The following DNAH1 variants were observed in gnomAD, a reference collection of about 807,000 sequenced individuals.
The protein encoded by DNAH1 is axonemal beta dynein heavy chain 1.
DNAH1 carries 327 observed loss-of-function variants against 484.3 expected under a neutral mutation model. The observed-to-expected ratio is 0.68, with a 90% CI of 0.62 to 0.74. The LOEUF (loss-of-function observed/expected upper bound fraction) is 0.74. DNAH1 is among the 30% of genes least tolerant of loss of function. The probability of loss-of-function intolerance (pLI) is 0.00; values close to 1 mark genes in which losing one functional copy is unlikely to be tolerated. For missense variants in DNAH1, 5,052 were observed against 5,546.8 expected (o/e 0.91, Z 2.83); for synonymous variants, 2,192 against 2,191.9 (o/e 1.00, Z 0.00).
rs1245139746 is a variant in DNAH1, at chr3:52,392,205, C to T, written c.10053-259C>T. 2.6e-5 allele frequency among the ~76,000 whole-genome samples: 4 copies of T among 152,238 alleles called. No individual in the cohort carries two copies. The East Asian group carries it at 5.8e-4, about 22-fold the overall frequency. On this transcript the variant is annotated intron_variant, in intron 63 of 77. Transcript: ENST00000420323. ...GGAGGTATTGTCCAGAGACCCCAGC[C>T]GCTCACACATCCAACTGCTCAGCCC...
intron 49 of DNAH1, 76 bp from the exon 50 acceptor site, chr3:52,382,243 AG>A: frequency 6.2e-7 from 1 of 1,607,880 alleles, no homozygotes; most frequent in Non-Finnish European, 8.5e-7. Flanking sequence ...TGGTCAGGGT[AG>A]GGTGTGGTCA....
At chr3:52,370,270 T>C (rs1486766273) in intron 39 of DNAH1, 41 bp downstream of exon 39, 1 of 1,602,146 alleles carries the variant, frequency 6.2e-7, no homozygotes, top group Admixed American at 1.7e-5. Flanking sequence ...CTGGTCCCTC[T>C]CCCCACACTG....
At chr3:52,341,666 C>T (rs761100755) in intron 8 of DNAH1, among the ~76,000 whole-genome samples, 39 of 151,464 alleles carry the variant, frequency 2.6e-4, no homozygotes, top group Admixed American at 7.9e-4. Flanking sequence ...ATAACTGGGA[C>T]GTGTTCCCAC....
intron 8 of DNAH1, among the ~76,000 whole-genome samples, chr3:52,341,239 A>C (rs1432271427): frequency 6.6e-6 from 1 of 152,196 alleles, no homozygotes; most frequent in Non-Finnish European, 1.5e-5. Context: ...TGCTGGCTTC[A>C]TCTTCAGGCG....
intron 60 of DNAH1, among the ~76,000 whole-genome samples, chr3:52,390,249 G>T (rs2153225513): frequency 6.6e-6 from 1 of 152,322 alleles, no homozygotes; most frequent in Middle Eastern, 3.4e-3. Flanking sequence ...TGGATTGCTT[G>T]AGCCCAGAAG....
intron 36 of DNAH1, among the ~76,000 whole-genome samples, chr3:52,367,402 G>A (rs1257249873): frequency 6.6e-6 from 1 of 152,036 alleles, no homozygotes; most frequent in Non-Finnish European, 1.5e-5. Flanking sequence ...GTAGGGGATG[G>A]TCACTAGGGA....
In DNAH1 at chr3:52,322,457, C is replaced by G. The variant is rs1458899108; in HGVS notation, c.15C>G (p.Asn5Lys). Reference sequence around the variant, plus strand: ...TGAGAAGCAGCATGGAGCAGCCTAACAGTAAAGGCTATAGCCTGGGAAGGA... The same window carrying G: ...TGAGAAGCAGCATGGAGCAGCCTAAGAGTAAAGGCTATAGCCTGGGAAGGA... MEQP[N>K]SKGYSLGRTP... Residue 5 changes from asparagine to lysine, a missense_variant, in exon 2 of 78, where the codon AAC (asparagine) becomes AAG (lysine). Around this residue, in one of 4 missense-constraint regions of DNAH1, gnomAD observed 1,263 missense variants for 1,218.8 expected, o/e 1.04. Coordinates refer to ENST00000420323, the MANE Select transcript of DNAH1 (RefSeq NM_015512.5). 6.2e-7 allele frequency: 1 copy of G among 1,610,204 alleles called. No homozygotes were observed. The highest frequency in any genetic ancestry group is 1.1e-5 in the South Asian group (1 of 90,784).
chr3:52,336,396 A>G (rs1243450885), intron 8 of DNAH1, among the ~76,000 whole-genome samples: 1 of 152,116 alleles, frequency 6.6e-6, no homozygotes, highest in Non-Finnish European at 1.5e-5. Flanking sequence ...ACCAAAGAAC[A>G]TAAAAAAATT....
chr3:52,398,345 G>C (rs576697886), intron 75 of DNAH1, among the ~76,000 whole-genome samples, 183 bp downstream of exon 75: 31 of 152,178 alleles, frequency 2.0e-4, no homozygotes, highest in Non-Finnish European at 4.1e-4. Flanking sequence ...GCAGCGGTAT[G>C]ATCTCAGCTC....
chr3:52,353,136 C>T lies in DNAH1; in HGVS notation c.3061C>T (p.Gln1021Ter), dbSNP rs1420629116. Residue 1021 changes from glutamine to a stop codon, truncating the protein, a stop_gained, in exon 19 of 78, where the codon CAA becomes TAA. Coordinates refer to ENST00000420323, the MANE Select transcript of DNAH1 (RefSeq NM_015512.5). LOFTEE classifies it high-confidence loss of function. The surrounding 1 kb of genome is among the most constrained non-coding windows in gnomAD (Gnocchi z 5.0). ...DKLSRMVKEF[Q>*]PYLDLWTTAS... ...GCTCTCCAGGATGGTGAAGGAGTTC[C>T]AACCCTACCTGGACCTTTGGACCAC... The T allele has an allele frequency of 1.2e-6, 2 of 1,613,442 alleles. No individual in the cohort carries two copies. Among genetic ancestry groups the T allele is most frequent in the African/African-American group, 1.3e-5 (1 of 75,014 alleles).
chr3:52,385,239 GC>G, intron 53 of DNAH1, 97 bp from the exon 54 acceptor site: 2 of 1,279,912 alleles, frequency 1.6e-6, no homozygotes, highest in Middle Eastern at 1.9e-4. Flanking sequence ...GAAGCTGCCG[GC>G]CACAGCTTCT....
chr3:52,371,914 C>A, intron 41 of DNAH1, 32 bp from the exon 42 acceptor site: 1 of 1,608,506 alleles, frequency 6.2e-7, no homozygotes, highest in Non-Finnish European at 8.5e-7. Flanking sequence ...GGAGGGGTTC[C>A]AGGCCCACTG....
Position 52,373,929 on chromosome 3 carries a change from G to A in DNAH1, c.6985+876G>A, listed in dbSNP as rs996378846. ...AGCAGAATTTGACTCAGAGGAAGAT[G>A]AACCAACGTTAGAAGCAGGCTGGCT... On this transcript the variant is annotated intron_variant, in intron 44 of 77. Coordinates refer to ENST00000420323, the MANE Select transcript of DNAH1 (RefSeq NM_015512.5). The A allele has an allele frequency of 3.8e-6, 5 of 1,332,702 alleles. No homozygotes were observed. In the African/African-American group the frequency reaches 5.8e-5, roughly 15 times the overall value. The allele number at this position is 1,332,702 out of a possible 1,614,324, so 82.6% of individuals were successfully genotyped here.
intron 21 of DNAH1, 113 bp from the exon 22 acceptor site, chr3:52,356,501 C>A: frequency 9.4e-7 from 1 of 1,063,828 alleles, no homozygotes; most frequent in East Asian, 2.6e-5. Flanking sequence ...GCTTTGGTGT[C>A]CAGTGCTCTG....
At chr3:52,314,196 A>G (rs766601095), upstream of DNAH1, among the ~76,000 whole-genome samples, 7 of 152,234 alleles carry the variant, frequency 4.6e-5, no homozygotes, top group Non-Finnish European at 1.0e-4. Context: ...GACTGAGGAA[A>G]AATCAGAGGT....
At chr3:52,323,076 T>C (rs1701209207) in intron 2 of DNAH1, among the ~76,000 whole-genome samples, 1 of 152,130 alleles carries the variant, frequency 6.6e-6, no homozygotes, top group African/African-American at 2.4e-5. Flanking sequence ...ACGTCCCTAT[T>C]GTCATTGTTG....
At chr3:52,365,366 C>T (rs1703030827) in intron 34 of DNAH1, among the ~76,000 whole-genome samples, 1 of 152,236 alleles carries the variant, frequency 6.6e-6, no homozygotes. Flanking sequence ...TGCACCCCAG[C>T]CCACCTCACC....
At chr3:52,340,978 C>CCCTTCCTT (rs113750705) in intron 8 of DNAH1, among the ~76,000 whole-genome samples, 78 of 151,620 alleles carry the variant, frequency 5.1e-4, no homozygotes, top group African/African-American at 1.8e-3. Flanking sequence ...CTTCCTCCCT[C>CCCTTCCTT]CCTTCCTTCC....
chr3:52,358,480 C>A lies in DNAH1; in HGVS notation c.4087-78C>A. ...CTTGAGGTGGAGGGCACCGGGCAGGCTTAGCGCTGGGGCTGTGGTGGCCAG... is the reference window on the plus strand; with the variant it reads ...CTTGAGGTGGAGGGCACCGGGCAGGATTAGCGCTGGGGCTGTGGTGGCCAG... On this transcript the variant is annotated intron_variant, in intron 24 of 77. Coordinates refer to ENST00000420323, the MANE Select transcript of DNAH1 (RefSeq NM_015512.5). The surrounding 1 kb of genome is among the most constrained non-coding windows in gnomAD (Gnocchi z 4.2). The A allele has an allele frequency of 6.9e-7, 1 of 1,455,036 alleles. No homozygotes were observed. The highest frequency in any genetic ancestry group is 9.2e-7 in the Non-Finnish European group (1 of 1,082,332). The allele number at this position is 1,455,036 out of a possible 1,614,324, so 90.1% of individuals were successfully genotyped here.
Sources: allele counts gnomAD v4.1 joint callset (sites outside exome capture counted in the v4.1 genomes callset), GRCh38; gene constraint gnomAD v4.1.1; regional missense constraint gnomAD v4.1.1; non-coding constraint Gnocchi (gnomAD v3.1); transcripts MANE v1.5; gene names NCBI Gene and HGNC (gene_info 2026-07-23, HGNC 2026-07-21).